Variants in C9 observed in about 807,000 individuals in gnomAD.
C9 encodes the protein complement component C9.
C9 carries 63 observed loss-of-function variants against 65.4 expected under a neutral mutation model. The observed-to-expected ratio is 0.96, with a 90% CI of 0.79 to 1.19. The LOEUF is 1.19. Among genes scored for constraint, C9 ranks in the 50% most tolerant of loss-of-function variants. C9 has a pLI of 0.00. For missense variants in C9, 744 were observed against 670.1 expected (o/e 1.11, Z -1.22); for synonymous variants, 229 against 227.9 (o/e 1.00, Z -0.04).
Position 39,315,103 on chromosome 5 carries a change from G to T in C9, c.870+672C>A, listed in dbSNP as rs527516121. ...CAGACCCATACAAAACAATTACATA[G>T]TTAGGCATCATATAAGTACTAAGAG... On this transcript the variant is annotated intron_variant, in intron 6 of 10. Transcript: ENST00000263408. Among the ~76,000 whole-genome samples the T allele has an allele frequency of 9.1e-4, 138 of 152,288 alleles. 3 individuals are homozygous for T. The highest frequency in any genetic ancestry group is 3.2e-3 in the African/African-American group (134 of 41,548).
chr5:39,337,228 T>C (rs529302011), intron 4 of C9, among the ~76,000 whole-genome samples: 252 of 152,356 alleles, frequency 1.7e-3, no homozygotes, highest in Middle Eastern at 3.4e-3. Context: ...CCTTAAGACT[T>C]ATTTGTCTGC....
intron 1 of C9, among the ~76,000 whole-genome samples, chr5:39,347,530 C>T (rs640390): frequency 0.95 from 145,096 of 152,216 alleles, 69,291 homozygotes; most frequent in Non-Finnish European, 0.98. Flanking sequence ...AGGATGCAAA[C>T]AAATGGAAGA....
chr5:39,315,718 A>G, intron 6 of C9, 57 bp downstream of exon 6: 1 of 1,279,620 alleles, frequency 7.8e-7, no homozygotes, highest in Non-Finnish European at 1.1e-6. Context: ...AAAATACTTA[A>G]AGAGTCTGGG....
intron 1 of C9, among the ~76,000 whole-genome samples, chr5:39,344,215 A>G (rs1097208): frequency 0.077 from 11,738 of 152,256 alleles, 882 homozygotes; most frequent in African/African-American, 0.19. Flanking sequence ...ACAGACGATC[A>G]GACTTATCTG....
intron 1 of C9, among the ~76,000 whole-genome samples, chr5:39,352,945 G>A (rs1424849124): frequency 6.6e-6 from 1 of 152,012 alleles, no homozygotes; most frequent in Non-Finnish European, 1.5e-5. Context: ...ACACAGCAAA[G>A]GGGGCTTTGG....
At position 39,342,992 on chromosome 5, in the gene C9, C is replaced by T. The variant is rs370986113; in HGVS notation, c.78-796G>A. Among the ~76,000 whole-genome samples, 10 of 152,184 alleles carry T rather than the reference C, an allele frequency of 6.6e-5. No individual in the cohort carries two copies. In the East Asian group the frequency reaches 1.2e-3, roughly 18 times the overall value. On this transcript the variant is annotated intron_variant, in intron 1 of 10. Coordinates refer to ENST00000263408, the MANE Select transcript of C9 (RefSeq NM_001737.5). ...ACCCAACAAGAATCCTACAAATTCC[C>T]TACCTCTACTTGCCTGACCTGACAC...
chr5:39,338,693 C>T (rs1754014647), intron 4 of C9, among the ~76,000 whole-genome samples: 1 of 152,180 alleles, frequency 6.6e-6, no homozygotes, highest in South Asian at 2.1e-4. Context: ...CTGCAGCTGA[C>T]CTTTCCCCAT....
At chr5:39,325,072 A>G (rs1753725992) in intron 5 of C9, among the ~76,000 whole-genome samples, 1 of 152,218 alleles carries the variant, frequency 6.6e-6, no homozygotes, top group Non-Finnish European at 1.5e-5. Context: ...AGGTTTGGAG[A>G]GCAGTTGTAA....
chr5:39,303,483 CTG>C (rs1456860413), intron 9 of C9, among the ~76,000 whole-genome samples: 1 of 150,278 alleles, frequency 6.7e-6, no homozygotes, highest in East Asian at 1.9e-4. Flanking sequence ...AAATATATAA[CTG>C]TATTTATAGA....
chr5:39,299,466 C>T (rs1291299608), intron 9 of C9, among the ~76,000 whole-genome samples: 2 of 152,018 alleles, frequency 1.3e-5, no homozygotes, highest in Admixed American at 6.6e-5. Context: ...ACTGTTTAAT[C>T]TATATCATGG....
At chr5:39,358,736 A>G (rs1015330292) in intron 1 of C9, among the ~76,000 whole-genome samples, 11 of 152,090 alleles carry the variant, frequency 7.2e-5, no homozygotes, top group Non-Finnish European at 8.8e-5. Flanking sequence ...CTGTAATCCC[A>G]GCACTTTGGG....
At chr5:39,315,704 G>T in intron 6 of C9, 71 bp downstream of exon 6, 3 of 1,131,142 alleles carry the variant, frequency 2.7e-6, no homozygotes, top group Non-Finnish European at 3.9e-6. Flanking sequence ...ATTTCTATTT[G>T]CTCAAAATAC....
At chr5:39,298,146 CT>C (rs1194018012) in intron 9 of C9, among the ~76,000 whole-genome samples, 2 of 151,526 alleles carry the variant, frequency 1.3e-5, no homozygotes, top group African/African-American at 4.8e-5. Flanking sequence ...CACATCAAAA[CT>C]TGTGGGACAC....
intron 4 of C9, among the ~76,000 whole-genome samples, chr5:39,336,977 G>T (rs9292739): frequency 0.03 from 4,536 of 151,860 alleles, 211 homozygotes; most frequent in African/African-American, 0.1. Flanking sequence ...TTGGAGTTGT[G>T]TCTTGTTTTT....
chr5:39,343,450 C>G (rs996311795), intron 1 of C9, among the ~76,000 whole-genome samples: 2 of 152,190 alleles, frequency 1.3e-5, no homozygotes, highest in Non-Finnish European at 2.9e-5. Flanking sequence ...AGTCTGAGAT[C>G]AAACTGCAAG....
Position 39,285,238 on chromosome 5 carries a change from A to G in C9, c.1646-5T>C. On this transcript the variant is annotated splice_region_variant and splice_polypyrimidine_tract_variant and intron_variant, in intron 10 of 10. Coordinates refer to ENST00000263408, the MANE Select transcript of C9 (RefSeq NM_001737.5). Reference sequence around the variant, plus strand: ...GGAACTCTAGGGCTGGCAATCCTAGAGAAAACAAATAAGTATCAAATCTTA... The same window carrying G: ...GGAACTCTAGGGCTGGCAATCCTAGGGAAAACAAATAAGTATCAAATCTTA... The G allele has an allele frequency of 1.2e-6, 2 of 1,611,656 alleles. No homozygotes were observed.
chr5:39,293,075 G>T (rs1753125542), intron 9 of C9, among the ~76,000 whole-genome samples: 1 of 151,512 alleles, frequency 6.6e-6, no homozygotes, highest in South Asian at 2.1e-4. Context: ...AAGGCCAGGG[G>T]GTCTTACATG....
chr5:39,316,975 G>A (rs1199469162), intron 5 of C9, among the ~76,000 whole-genome samples: 1 of 152,260 alleles, frequency 6.6e-6, no homozygotes, highest in South Asian at 2.1e-4. Context: ...CACTGTAAAA[G>A]CGTTCCTTTT....
intron 9 of C9, among the ~76,000 whole-genome samples, chr5:39,293,528 T>C (rs1753132572): frequency 6.6e-6 from 1 of 151,970 alleles, no homozygotes; most frequent in Non-Finnish European, 1.5e-5. Flanking sequence ...ATTTTAAATA[T>C]ATATGCAACC....
Sources: gnomAD v4.1 joint callset for allele counts (sites outside exome capture counted in the v4.1 genomes callset) on GRCh38, gnomAD v4.1.1 for gene constraint, MANE v1.5 for transcripts, NCBI Gene and HGNC (gene_info 2026-07-23, HGNC 2026-07-21) for gene names.